The following CMC2 variants were observed in gnomAD, a reference collection of about 807,000 sequenced individuals.
CMC2 encodes the protein C-X9-C motif containing 2.
A neutral mutation model predicts 7.5 loss-of-function variants in CMC2; 5 were observed. That is an observed-to-expected ratio of 0.66 (90% CI 0.35 to 1.40). The LOEUF is 1.40. Among genes scored for constraint, CMC2 ranks in the 40% most tolerant of loss-of-function variants. The pLI is 0.04. For missense variants in CMC2, 115 were observed against 92.3 expected (o/e 1.25, Z -1.01); for synonymous variants, 37 against 31.4 (o/e 1.18, Z -0.60).
At chr16:80,978,190 T>A in intron 3 of CMC2, 1 of 790,156 alleles carries the variant, frequency 1.3e-6, no homozygotes. Context: ...CAATAAAACG[T>A]ATTCTAGAAC....
At chr16:80,989,488 T>C (rs755179532) in intron 2 of CMC2, among the ~76,000 whole-genome samples, 24 of 152,216 alleles carry the variant, frequency 1.6e-4, no homozygotes, top group Admixed American at 1.3e-4. Flanking sequence ...CCTATCATTC[T>C]TTGATAAATG....
chr16:80,969,789 C>T lies in CMC2; in HGVS notation c.*6304G>A, dbSNP rs1445892963. The T allele has an allele frequency of 6.7e-6, 1 of 150,268 alleles. No homozygotes were observed. Among genetic ancestry groups the T allele is most frequent in the Non-Finnish European group, 1.5e-5 (1 of 68,084 alleles). The allele number at this position is 150,268 out of a possible 1,614,324, so 9.3% of individuals were successfully genotyped here. A position where few individuals can be genotyped will look rare whatever the true frequency, so the allele number is the denominator to read the frequency against. On this transcript the variant is annotated 3_prime_UTR_variant, in exon 4 of 4. Transcript: ENST00000219400. ...CCTGTAATCCCAGCTACTTGGGAGG[C>T]TGAGGCACAAGAATCACTTGAACCC... is the stretch of plus-strand genomic sequence containing the variant.
At chr16:80,988,173 G>T (rs192651932) in intron 2 of CMC2, among the ~76,000 whole-genome samples, 4 of 152,176 alleles carry the variant, frequency 2.6e-5, no homozygotes, top group African/African-American at 9.7e-5. Flanking sequence ...GACAGAGTGA[G>T]ACATCCTCCC....
chr16:80,982,954 A>T, intron 2 of CMC2: 1 of 184,930 alleles, frequency 5.4e-6, no homozygotes, highest in Non-Finnish European at 1.1e-5. Flanking sequence ...TTACAGGAAA[A>T]AGTTGAACTA....
At chr16:80,986,229 A>G (rs1180447503) in intron 2 of CMC2, among the ~76,000 whole-genome samples, 1 of 152,158 alleles carries the variant, frequency 6.6e-6, no homozygotes, top group African/African-American at 2.4e-5. Flanking sequence ...TGGTACCTGT[A>G]ATCCCAGCTA....
In CMC2 at chr16:81,006,842, G is replaced by A. The variant is rs1049050351; in HGVS notation, c.-144C>T. Reference sequence around the variant, plus strand: ...ACAGCTGAACCGCTTGCCAGACGCCGAAACCCAGTGACGCCCTCCACCGCT... The same window carrying A: ...ACAGCTGAACCGCTTGCCAGACGCCAAAACCCAGTGACGCCCTCCACCGCT... On this transcript the variant is annotated 5_prime_UTR_variant, in exon 1 of 4. Transcript: ENST00000219400. 10 of 985,614 alleles carry A rather than the reference G, an allele frequency of 1.0e-5. No individual in the cohort carries two copies. In the South Asian group the frequency reaches 4.2e-4, roughly 42 times the overall value. 61.1% of individuals were successfully genotyped at this position (985,614 alleles called of 1,614,324 possible). A position where few individuals can be genotyped will look rare whatever the true frequency, so the allele number is the denominator to read the frequency against.
In CMC2 at chr16:80,971,043, G is replaced by C. The variant is rs1339659359; in HGVS notation, c.*5050C>G. ...CCAGCCACTCAGGAGGCTAAGGCAC[G>C]AGAATTGCTTGAAGCCAGGAGGTGG... is the stretch of plus-strand genomic sequence containing the variant. On this transcript the variant is annotated 3_prime_UTR_variant, in exon 4 of 4. Transcript: ENST00000219400. The C allele has an allele frequency of 6.6e-6, 1 of 152,150 alleles. No homozygotes were observed. Among genetic ancestry groups the C allele is most frequent in the Non-Finnish European group, 1.5e-5 (1 of 68,054 alleles). 9.4% of individuals were successfully genotyped at this position (152,150 alleles called of 1,614,324 possible).
chr16:81,000,513 A>G (rs1000495866), intron 1 of CMC2, among the ~76,000 whole-genome samples: 6 of 151,898 alleles, frequency 4.0e-5, no homozygotes, highest in African/African-American at 1.2e-4. Flanking sequence ...CAAAACAAAT[A>G]AACAAATTTT....
chr16:80,967,168 G>A lies in CMC2; in HGVS notation c.*8925C>T, dbSNP rs1911611592. The A allele has an allele frequency of 6.6e-6, 1 of 152,166 alleles. No homozygotes were observed. Among genetic ancestry groups the A allele is most frequent in the Admixed American group, 6.5e-5 (1 of 15,274 alleles). The allele number at this position is 152,166 out of a possible 1,614,324, so 9.4% of individuals were successfully genotyped here. On this transcript the variant is annotated 3_prime_UTR_variant, in exon 4 of 4. Transcript: ENST00000219400. The stretch of plus-strand genomic sequence containing the variant: ...CTGCCCAGAGAGGTGTCAGCCCAGA[G>A]AGCTTTCAGTCTACACATAACCTGA...
At chr16:80,976,716 G>A (rs767840769) in intron 3 of CMC2, among the ~76,000 whole-genome samples, 16 of 151,952 alleles carry the variant, frequency 1.1e-4, no homozygotes, top group Admixed American at 5.2e-4. Context: ...AATTCTACTC[G>A]TTCCAAAGTT....
Position 80,997,297 on chromosome 16 carries a change from TTTTTCTGAACTCTTACA to T in CMC2, c.81_81+16del. On this transcript the variant is annotated splice_donor_variant and splice_donor_5th_base_variant and coding_sequence_variant and intron_variant, in exon 2 of 4. Transcript: ENST00000219400. LOFTEE classifies it high-confidence loss of function. ...AAGTTTCATTTTGGCTGTACAGTCG[TTTTTCTGAACTCTTACA>T]TTTTTGTGACATTCCTTAAGCAAGT... 7.2e-7 allele frequency: 1 copy of T among 1,393,416 alleles called. No homozygotes were observed. Among genetic ancestry groups the T allele is most frequent in the Non-Finnish European group, 1.0e-6 (1 of 979,144 alleles). 86.3% of individuals were successfully genotyped at this position (1,393,416 alleles called of 1,614,324 possible). A position where few individuals can be genotyped will look rare whatever the true frequency, so the allele number is the denominator to read the frequency against.
At position 80,972,997 on chromosome 16, in the gene CMC2, A is replaced by T. The variant is rs1046621859; in HGVS notation, c.*3096T>A. Reference sequence around the variant, plus strand: ...TCTCCCTCCAGCTTCTTCGGCTTCCACTGCATATGGGAATTCAAAATATTT... The same window carrying T: ...TCTCCCTCCAGCTTCTTCGGCTTCCTCTGCATATGGGAATTCAAAATATTT... On this transcript the variant is annotated 3_prime_UTR_variant, in exon 4 of 4. Coordinates refer to ENST00000219400, the MANE Select transcript of CMC2 (RefSeq NM_020188.5). The T allele has an allele frequency of 6.6e-6, 1 of 152,482 alleles. No homozygotes were observed. Among genetic ancestry groups the T allele is most frequent in the Non-Finnish European group, 1.5e-5 (1 of 68,208 alleles). 9.4% of individuals were successfully genotyped at this position (152,482 alleles called of 1,614,324 possible).
At chr16:81,006,521 G>A (rs541996886) in intron 1 of CMC2, 2 of 182,226 alleles carry the variant, frequency 1.1e-5, no homozygotes, top group South Asian at 3.7e-4. Context: ...GGCCTGTCTC[G>A]GCCACCAGCG....
chr16:80,978,351 G>A lies in CMC2; in HGVS notation c.154-2172C>T, dbSNP rs1966865855. Reference sequence around the variant, plus strand: ...GCAGGCCAATAAAATAAGTTACAAAGCAAATTAAAATATAGTCTACATTAA... The same window carrying A: ...GCAGGCCAATAAAATAAGTTACAAAACAAATTAAAATATAGTCTACATTAA... On this transcript the variant is annotated intron_variant, in intron 3 of 3. Transcript: ENST00000219400. 3 of 1,266,710 alleles carry A rather than the reference G, an allele frequency of 2.4e-6. No homozygotes were observed. In the African/African-American group the frequency reaches 4.7e-5, roughly 20 times the overall value. 78.5% of individuals were successfully genotyped at this position (1,266,710 alleles called of 1,614,324 possible).
At chr16:80,997,624 A>T in intron 1 of CMC2, 195 bp from the exon 2 acceptor site, 1 of 385,440 alleles carries the variant, frequency 2.6e-6, no homozygotes, top group Non-Finnish European at 4.7e-6. Context: ...GCAAGTTATC[A>T]GTAGTATTTA....
intron 1 of CMC2, among the ~76,000 whole-genome samples, chr16:81,003,430 G>A (rs1969012639): frequency 6.6e-6 from 1 of 152,164 alleles, no homozygotes; most frequent in African/African-American, 2.4e-5. Flanking sequence ...CTTATGAAAC[G>A]GGTAGCCTTT....
At chr16:80,979,617 A>T (rs998607391) in intron 3 of CMC2, among the ~76,000 whole-genome samples, 269 of 140,800 alleles carry the variant, frequency 1.9e-3, no homozygotes, top group African/African-American at 6.3e-3. Context: ...TTTTTATTTT[A>T]TTTTTTTTTA....
Position 80,981,028 on chromosome 16 carries a change from G to C in CMC2, c.153+778C>G, listed in dbSNP as rs1967071177. 5.1e-5 allele frequency: 17 copies of C among 332,680 alleles called. No homozygotes were observed. The East Asian group carries it at 6.8e-4, about 13-fold the overall frequency. 20.6% of individuals were successfully genotyped at this position (332,680 alleles called of 1,614,324 possible). On this transcript the variant is annotated intron_variant, in intron 3 of 3. Coordinates refer to ENST00000219400, the MANE Select transcript of CMC2 (RefSeq NM_020188.5). ...GCCTAAGCAGAAAACAAAATCAAAA[G>C]AAAGATGTTGGACAACTTCAAATAT... is the stretch of plus-strand genomic sequence containing the variant.
In CMC2 at chr16:80,967,111, T is replaced by A. The variant is rs1221856354; in HGVS notation, c.*8982A>T. On this transcript the variant is annotated 3_prime_UTR_variant, in exon 4 of 4. Coordinates refer to ENST00000219400, the MANE Select transcript of CMC2 (RefSeq NM_020188.5). ...ACCAATTATGTGTTAACCACTGTCC[T>A]AAGAGCTGCAGATACAGGAATAATG... The A allele has an allele frequency of 6.6e-6, 1 of 152,232 alleles. No individual in the cohort carries two copies. Among genetic ancestry groups the A allele is most frequent in the Non-Finnish European group, 1.5e-5 (1 of 68,036 alleles). The allele number at this position is 152,232 out of a possible 1,614,324, so 9.4% of individuals were successfully genotyped here.
Sources: gnomAD v4.1 joint callset for allele counts (sites outside exome capture counted in the v4.1 genomes callset) on GRCh38, gnomAD v4.1.1 for gene constraint, MANE v1.5 for transcripts, NCBI Gene and HGNC (gene_info 2026-07-23, HGNC 2026-07-21) for gene names.